The following ARL15 variants were observed in gnomAD, a reference collection of about 807,000 sequenced individuals.
The protein encoded by ARL15 is ADP-ribosylation factor-like protein 15.
ARL15 carries 19 observed loss-of-function variants against 25.2 expected under a neutral mutation model. That is an observed-to-expected ratio of 0.75 (90% confidence interval 0.53 to 1.10). The LOEUF (loss-of-function observed/expected upper bound fraction) is 1.10. Among genes scored for constraint, ARL15 ranks in the 50% least tolerant of loss-of-function variants. ARL15 has a pLI of 0.00. For missense variants in ARL15, 220 were observed against 246.0 expected (o/e 0.89, Z 0.71); for synonymous variants, 94 against 86.8 (o/e 1.08, Z -0.46).
At chr5:53,963,898 C>T (rs1013212089) in intron 4 of ARL15, among the ~76,000 whole-genome samples, 2 of 151,812 alleles carry the variant, frequency 1.3e-5, no homozygotes, top group Admixed American at 6.6e-5. Context: ...TTGATTGCCA[C>T]GAGAATTCTG....
At chr5:53,960,772 C>T (rs958341973) in intron 4 of ARL15, among the ~76,000 whole-genome samples, 11 of 152,184 alleles carry the variant, frequency 7.2e-5, no homozygotes, top group Admixed American at 2.6e-4. Context: ...TGGGGCTTGA[C>T]CTCAGGTCTC....
chr5:54,180,315 C>A (rs531132164), intron 1 of ARL15, among the ~76,000 whole-genome samples: 75 of 152,250 alleles, frequency 4.9e-4, no homozygotes, highest in Non-Finnish European at 7.4e-4. Flanking sequence ...TTAGCTAATC[C>A]TATCTTTCTA....
At chr5:54,234,290 C>T (rs758068109) in intron 1 of ARL15, among the ~76,000 whole-genome samples, 4 of 151,772 alleles carry the variant, frequency 2.6e-5, no homozygotes, top group African/African-American at 9.7e-5. Flanking sequence ...CAGGCCTGGC[C>T]CGTTACTATT....
intron 1 of ARL15, among the ~76,000 whole-genome samples, chr5:54,287,561 C>G (rs1311294581): frequency 6.6e-6 from 1 of 151,714 alleles, no homozygotes; most frequent in Non-Finnish European, 1.5e-5. Flanking sequence ...CTAATGCATG[C>G]CCTAGACACC....
At chr5:54,107,979 G>C (rs1752637087) in intron 4 of ARL15, among the ~76,000 whole-genome samples, 1 of 151,910 alleles carries the variant, frequency 6.6e-6, no homozygotes, top group African/African-American at 2.4e-5. Context: ...GATAGACATA[G>C]AATCAAGAAA....
intron 1 of ARL15, among the ~76,000 whole-genome samples, chr5:54,207,311 G>A (rs1755898250): frequency 6.6e-6 from 1 of 152,192 alleles, no homozygotes; most frequent in Admixed American, 6.5e-5. Flanking sequence ...CTCCAGAAGA[G>A]ATATTTTACT....
intron 1 of ARL15, among the ~76,000 whole-genome samples, chr5:54,234,329 A>G (rs1271348557): frequency 6.6e-6 from 1 of 152,168 alleles, no homozygotes; most frequent in Non-Finnish European, 1.5e-5. Flanking sequence ...AGTAAAAAAA[A>G]AAAAAATTTT....
chr5:53,891,113 T>C (rs961816641), intron 4 of ARL15, among the ~76,000 whole-genome samples: 1 of 152,232 alleles, frequency 6.6e-6, no homozygotes, highest in Admixed American at 6.5e-5. Context: ...CTTTCCTTTT[T>C]AAAAATCTGC....
At chr5:54,250,854 A>G (rs1483287793) in intron 1 of ARL15, among the ~76,000 whole-genome samples, 1 of 152,194 alleles carries the variant, frequency 6.6e-6, no homozygotes, top group African/African-American at 2.4e-5. Flanking sequence ...GGCACAGTGA[A>G]GGTCACTAGG....
intron 1 of ARL15, among the ~76,000 whole-genome samples, chr5:54,305,467 A>C (rs35946): frequency 6.6e-6 from 1 of 151,960 alleles, no homozygotes; most frequent in Non-Finnish European, 1.5e-5. Context: ...TCACAAAAAA[A>C]AAATAAATAA....
intron 2 of ARL15, among the ~76,000 whole-genome samples, chr5:54,166,557 A>G (rs1227034310): frequency 3.3e-5 from 5 of 151,924 alleles, no homozygotes; most frequent in Admixed American, 3.3e-4. Flanking sequence ...GTAGGTGTAG[A>G]GTTTTCTTCA....
chr5:54,194,585 G>A (rs1272538825), intron 1 of ARL15, among the ~76,000 whole-genome samples: 2 of 152,124 alleles, frequency 1.3e-5, no homozygotes, highest in Admixed American at 6.6e-5. Flanking sequence ...TCAGCTGGCT[G>A]TACTTTCCAG....
chr5:54,033,770 C>A (rs1750080659), intron 4 of ARL15, among the ~76,000 whole-genome samples: 1 of 151,856 alleles, frequency 6.6e-6, no homozygotes, highest in African/African-American at 2.4e-5. Flanking sequence ...TGAAATGGCA[C>A]TTTAAATTAG....
chr5:54,227,749 A>G (rs1756566219), intron 1 of ARL15, among the ~76,000 whole-genome samples: 1 of 152,240 alleles, frequency 6.6e-6, no homozygotes, highest in South Asian at 2.1e-4. Flanking sequence ...ACTTTTCCAC[A>G]TTTGAGCACA....
At chr5:54,276,977 G>A (rs1314208081) in intron 1 of ARL15, among the ~76,000 whole-genome samples, 1 of 152,140 alleles carries the variant, frequency 6.6e-6, no homozygotes, top group East Asian at 1.9e-4. Context: ...CTGACCTCCA[G>A]AATTACAAGA....
chr5:54,305,308 T>C (rs977561315), intron 1 of ARL15, among the ~76,000 whole-genome samples: 2 of 152,114 alleles, frequency 1.3e-5, no homozygotes, highest in African/African-American at 4.8e-5. Context: ...GAGACCAGCC[T>C]GGCCAACATG....
At chr5:54,005,687 C>A (rs1021631940) in intron 4 of ARL15, among the ~76,000 whole-genome samples, 1 of 152,014 alleles carries the variant, frequency 6.6e-6, no homozygotes, top group Non-Finnish European at 1.5e-5. Context: ...CAAGGTGCAA[C>A]CCCATCTCTA....
intron 4 of ARL15, among the ~76,000 whole-genome samples, chr5:54,024,353 T>C (rs1208770702): frequency 1.3e-5 from 2 of 152,240 alleles, no homozygotes; most frequent in South Asian, 4.1e-4. Context: ...TGAAGCTACA[T>C]GCAGGTAATG....
intron 1 of ARL15, among the ~76,000 whole-genome samples, chr5:54,299,886 C>T (rs556188411): frequency 6.6e-6 from 1 of 152,052 alleles, no homozygotes; most frequent in South Asian, 2.1e-4. Context: ...CGCACCTGGC[C>T]CTAGGTATTA....
Sources: allele counts gnomAD v4.1 joint callset (sites outside exome capture counted in the v4.1 genomes callset), GRCh38; gene constraint gnomAD v4.1.1; transcripts MANE v1.5; gene names NCBI Gene and HGNC (gene_info 2026-07-23, HGNC 2026-07-21).